PRUNE1: variants seen among roughly 807,000 people sequenced by gnomAD.
The protein encoded by PRUNE1 is prune exopolyphosphatase 1.
Under a neutral mutation model 42.5 loss-of-function variants are expected in PRUNE1, and 25 were observed. The observed-to-expected ratio is 0.59, with a 90% CI of 0.43 to 0.82. PRUNE1 has a LOEUF of 0.82. PRUNE1 is among the 40% of genes least tolerant of loss of function. PRUNE1 has a pLI of 0.00. For missense variants in PRUNE1, 443 were observed against 539.3 expected (o/e 0.82, Z 1.77); for synonymous variants, 203 against 217.1 (o/e 0.93, Z 0.57).
At chr1:151,010,744 T>C (rs1043463036) in intron 1 of PRUNE1, among the ~76,000 whole-genome samples, 10 of 148,964 alleles carry the variant, frequency 6.7e-5, no homozygotes, top group Non-Finnish European at 1.2e-4. Context: ...CAACCTCCAC[T>C]TCCCGAATTC....
chr1:151,028,422 T>G (rs1366692463), intron 6 of PRUNE1, among the ~76,000 whole-genome samples: 3 of 151,700 alleles, frequency 2.0e-5, no homozygotes, highest in Non-Finnish European at 4.4e-5. Context: ...TGTTTTGTTT[T>G]GTTTTGTTTT....
intron 1 of PRUNE1, among the ~76,000 whole-genome samples, chr1:151,010,759 G>A (rs376993413): frequency 4.0e-5 from 6 of 149,816 alleles, no homozygotes; most frequent in East Asian, 3.9e-4. Flanking sequence ...GAATTCAAGC[G>A]ATTCTTCTGC....
At chr1:151,009,210 C>CTTTA (rs1673585257) in intron 1 of PRUNE1, among the ~76,000 whole-genome samples, 1 of 152,146 alleles carries the variant, frequency 6.6e-6, no homozygotes, top group Admixed American at 6.6e-5. Context: ...GAAGTAGTCA[C>CTTTA]AGTATTTTAC....
Position 151,018,461 on chromosome 1 carries a change from A to T in PRUNE1, c.133-6A>T, listed in dbSNP as rs1420768865. 6.2e-7 allele frequency: 1 copy of T among 1,605,320 alleles called. No homozygotes were observed. The highest frequency in any genetic ancestry group is 1.1e-5 in the South Asian group (1 of 90,898). On this transcript the variant is annotated splice_region_variant and splice_polypyrimidine_tract_variant and intron_variant, in intron 2 of 7. Transcript: ENST00000271620. The stretch of plus-strand genomic sequence containing the variant: ...TGTGATACCTTCTTTTCACTTTCCT[A>T]TCTAGACAACTGAGGCTGAGGAAGT...
At chr1:151,027,391 G>C (rs996416374) in intron 6 of PRUNE1, 64 bp downstream of exon 6, 2 of 1,169,058 alleles carry the variant, frequency 1.7e-6, no homozygotes, top group African/African-American at 3.1e-5. Context: ...TTATGCATGT[G>C]GCCTTGCACC....
In PRUNE1 at chr1:151,034,028, G is replaced by A; in HGVS notation, c.1156G>A (p.Glu386Lys). The change falls in exon 8 of 8, where the codon GAA becomes AAA. Residue 386 changes from glutamate (E) to lysine (K), a missense_variant. Glu to Lys is a moderately conservative substitution (Grantham distance 56). Coordinates refer to ENST00000271620, the MANE Select transcript of PRUNE1 (RefSeq NM_021222.3). ...ADVSREQVDK[E>K]LDRASNSLIS... Reference sequence around the variant, plus strand: ...TGTGTCCAGGGAGCAAGTGGACAAGGAATTGGACAGGGCAAGTAACTCCCT... The same window carrying A: ...TGTGTCCAGGGAGCAAGTGGACAAGAAATTGGACAGGGCAAGTAACTCCCT... 1 of 1,614,202 alleles carries A rather than the reference G, an allele frequency of 6.2e-7. No individual in the cohort carries two copies. Among genetic ancestry groups the A allele is most frequent in the East Asian group, 2.2e-5 (1 of 44,878 alleles).
chr1:151,025,982 C>T lies in PRUNE1; in HGVS notation c.679+309C>T, dbSNP rs149579566. On this transcript the variant is annotated intron_variant, in intron 5 of 7. Transcript: ENST00000271620. ...TCTTGAACTCTGAAGCTCAGGTGAT[C>T]TGCCCGCCTGGGCCTCCCAAAGTGC... 2.8e-3 allele frequency among the ~76,000 whole-genome samples: 422 copies of T among 151,900 alleles called. 1 individual carries two copies. The highest frequency in any genetic ancestry group is 9.8e-3 in the African/African-American group (408 of 41,472).
chr1:151,023,490 C>T (rs1319948497), intron 3 of PRUNE1, among the ~76,000 whole-genome samples: 3 of 151,838 alleles, frequency 2.0e-5, no homozygotes, highest in African/African-American at 4.8e-5. Context: ...GAGGCCGAGG[C>T]GGGCGGATCA....
At chr1:151,032,713 C>CAAA (rs35078895) in intron 7 of PRUNE1, among the ~76,000 whole-genome samples, 518 of 138,314 alleles carry the variant, frequency 3.7e-3, no homozygotes, top group Non-Finnish European at 4.6e-3. Flanking sequence ...GACTCTGTCT[C>CAAA]AAAAAAAAAA....
Position 151,013,694 on chromosome 1 carries a change from TTA to T in PRUNE1, c.40-4113_40-4112del, listed in dbSNP as rs587685852. On this transcript the variant is annotated intron_variant, in intron 1 of 7. Coordinates refer to ENST00000271620, the MANE Select transcript of PRUNE1 (RefSeq NM_021222.3). ...CCAGTCAGGGCCATATGCCTCATGT[TTA>T]TATAGTTTCCTCTCTAGAGAACACT... Among the ~76,000 whole-genome samples, 431 of 152,272 alleles carry T rather than the reference TTA, an allele frequency of 2.8e-3. 1 individual carries two copies. The highest frequency in any genetic ancestry group is 0.01 in the African/African-American group (418 of 41,540).
At chr1:151,008,969 A>C in intron 1 of PRUNE1, 2 of 562,880 alleles carry the variant, frequency 3.6e-6, no homozygotes, top group South Asian at 3.1e-5. Flanking sequence ...GCTTGCTGTC[A>C]TCTTGGTCAG....
chr1:151,019,732 G>A (rs1022152949), intron 3 of PRUNE1, among the ~76,000 whole-genome samples: 1 of 151,646 alleles, frequency 6.6e-6, no homozygotes, highest in Non-Finnish European at 1.5e-5. Context: ...AAATTCCTAG[G>A]CTCATGCTAT....
At chr1:151,028,993 G>T in intron 7 of PRUNE1, 49 bp downstream of exon 7, 2 of 1,543,110 alleles carry the variant, frequency 1.3e-6, no homozygotes. Context: ...GAGTCTGCCT[G>T]TATGTACCTC....
rs757662772 is a variant in PRUNE1 at position 151,034,098 on chromosome 1, C to T, written c.1226C>T (p.Pro409Leu). The T allele has an allele frequency of 8.7e-6, 14 of 1,614,028 alleles. No homozygotes were observed. Among genetic ancestry groups the T allele is most frequent in the East Asian group, 6.7e-5 (3 of 44,888 alleles). ...SQDEEDPPLP[P>L]TPMNSLVDEC... ...GATGAGGAGGACCCTCCGCTGCCCC[C>T]GACGCCCATGAACAGCTTGGTGGAT... Residue 409 changes from proline to leucine, a missense_variant, in exon 8 of 8, where the codon CCG becomes CTG. Pro to Leu is a moderately conservative substitution (Grantham distance 98). Coordinates refer to ENST00000271620, the MANE Select transcript of PRUNE1 (RefSeq NM_021222.3).
chr1:151,027,433 G>A (rs1674921890), intron 6 of PRUNE1, 106 bp downstream of exon 6: 1 of 775,998 alleles, frequency 1.3e-6, no homozygotes, highest in Non-Finnish European at 2.2e-6. Context: ...AATGTATCTT[G>A]TGTCTATCTT....
chr1:151,031,796 C>T (rs1246678344), intron 7 of PRUNE1, among the ~76,000 whole-genome samples: 1 of 152,088 alleles, frequency 6.6e-6, no homozygotes, highest in African/African-American at 2.4e-5. Context: ...CACATTTATA[C>T]ACTTGGAAAC....
chr1:151,011,708 C>T (rs1382508960), intron 1 of PRUNE1, among the ~76,000 whole-genome samples: 1 of 152,086 alleles, frequency 6.6e-6, no homozygotes, highest in Non-Finnish European at 1.5e-5. Flanking sequence ...CTCTTGAGGC[C>T]ACAAAGAACA....
At chr1:151,027,758 G>GTA in intron 6 of PRUNE1, among the ~76,000 whole-genome samples, 1 of 146,738 alleles carries the variant, frequency 6.8e-6, no homozygotes. Context: ...GTGTGTGTGT[G>GTA]TGTGTGTGTG....
rs3034003 is a variant in PRUNE1 at position 151,027,747 on chromosome 1, A to AGTGTGT, written c.774+450_774+455dup. Among the ~76,000 whole-genome samples the AGTGTGT allele has an allele frequency of 9.4e-3, 1,229 of 130,898 alleles. 11 individuals are homozygous for AGTGTGT. The highest frequency in any genetic ancestry group is 0.05 in the South Asian group (168 of 3,350). 85.9% of individuals were successfully genotyped at this position (130,898 alleles called of 152,430 possible). ...CAGGTGCACACCACCACACCTAACT[A>AGTGTGT]GTGTGTGTGTGTGTGTGTGTGTGTG... On this transcript the variant is annotated intron_variant, in intron 6 of 7. Coordinates refer to ENST00000271620, the MANE Select transcript of PRUNE1 (RefSeq NM_021222.3).
Sources: allele counts gnomAD v4.1 joint callset (sites outside exome capture counted in the v4.1 genomes callset), GRCh38; gene constraint gnomAD v4.1.1; transcripts MANE v1.5; gene names NCBI Gene and HGNC (gene_info 2026-07-23, HGNC 2026-07-21).